The following SEC22B variants were observed in gnomAD, a reference collection of about 807,000 sequenced individuals.
The protein encoded by SEC22B is SEC22 homolog B, vesicle trafficking protein.
In SEC22B, 10 loss-of-function variants were observed where a neutral mutation model predicts 31.4. The ratio of observed to expected loss-of-function variants is 0.32; its 90% CI spans 0.20 to 0.54. The LOEUF (loss-of-function observed/expected upper bound fraction) is 0.54. SEC22B is among the 20% of genes least tolerant of loss of function. The probability of loss-of-function intolerance (pLI) is 0.94; values close to 1 mark genes in which losing one functional copy is unlikely to be tolerated. For synonymous variants in SEC22B, 60 were observed against 95.9 expected, an observed-to-expected ratio of 0.63 and a Z score of 2.19; for missense variants, 130 against 263.4, an observed-to-expected ratio of 0.49 and a Z score of 3.50.
intron 1 of SEC22B, among the ~76,000 whole-genome samples, chr1:120,170,899 G>T (rs1353056881): frequency 7.4e-6 from 1 of 134,340 alleles, no homozygotes; most frequent in Non-Finnish European, 1.5e-5. Flanking sequence ...ATTCTGAAGA[G>T]ATCTGAACCC....
chr1:120,163,401 A>G (rs1343612596), intron 2 of SEC22B, 31 bp from the exon 3 acceptor site: 92,176 of 1,335,588 alleles, frequency 0.069, 7,118 homozygotes, highest in African/African-American at 0.4. Flanking sequence ...AGACAAAGTT[A>G]TCTGTAAAGT....
chr1:120,176,443 T>TTCG lies in SEC22B; in HGVS notation c.-63_-62insCGA. On this transcript the variant is annotated 5_prime_UTR_variant, in exon 1 of 5. Transcript: ENST00000578049. ...GGCCCTTGGCGCCGTCCTCACTTCC[T>TTCG]CCGCCGCGACAACAGTTATACCCTA... is the stretch of plus-strand genomic sequence containing the variant. 6.9e-7 allele frequency: 1 copy of TTCG among 1,458,064 alleles called. No homozygotes were observed. Among genetic ancestry groups the TTCG allele is most frequent in the Non-Finnish European group, 9.6e-7 (1 of 1,045,884 alleles). The allele number at this position is 1,458,064 out of a possible 1,614,324, so 90.3% of individuals were successfully genotyped here.
chr1:120,162,535 T>C (rs1416013324), intron 3 of SEC22B, among the ~76,000 whole-genome samples: 526 of 140,368 alleles, frequency 3.7e-3, no homozygotes, highest in African/African-American at 0.015. Flanking sequence ...TTCAGCGATA[T>C]AGCCTGATCC....
intron 4 of SEC22B, among the ~76,000 whole-genome samples, chr1:120,160,077 T>C (rs1357079152): frequency 0.021 from 3,047 of 147,420 alleles, 149 homozygotes; most frequent in African/African-American, 0.076. Flanking sequence ...CAATACATCA[T>C]TGAGTTTTCT....
At chr1:120,163,945 C>CTTTTTTTTTTTTT (rs1169530604) in intron 2 of SEC22B, among the ~76,000 whole-genome samples, 2 of 68,932 alleles carry the variant, frequency 2.9e-5, no homozygotes, top group African/African-American at 6.5e-5. Flanking sequence ...ATTAGATTCT[C>CTTTTTTTTTTTTT]TTTTTTTTTT....
intron 2 of SEC22B, among the ~76,000 whole-genome samples, chr1:120,166,420 C>CACACACAT (rs1553229708): frequency 0.059 from 8,047 of 136,930 alleles, 1 homozygote; most frequent in African/African-American, 0.13. Context: ...CACACACACA[C>CACACACAT]ACACACACAC....
chr1:120,168,154 T>G (rs1657841856), intron 2 of SEC22B, among the ~76,000 whole-genome samples: 1 of 152,018 alleles, frequency 6.6e-6, no homozygotes, highest in East Asian at 1.9e-4. Context: ...ACTAATCCGT[T>G]TTTATTTTCC....
intron 4 of SEC22B, among the ~76,000 whole-genome samples, chr1:120,159,984 A>C (rs1355961971): frequency 1.5e-5 from 2 of 130,470 alleles, no homozygotes; most frequent in African/African-American, 7.3e-5. Context: ...TTTTCAGAGG[A>C]ATGCCTTGAT....
At chr1:120,170,850 T>G (rs1274005181) in intron 1 of SEC22B, among the ~76,000 whole-genome samples, 2 of 145,296 alleles carry the variant, frequency 1.4e-5, no homozygotes, top group Non-Finnish European at 3.0e-5. Flanking sequence ...TTTCCTAAAT[T>G]TGAATGGTAC....
In SEC22B at chr1:120,163,192, T is replaced by A. The variant is rs1657747080; in HGVS notation, c.346+18A>T. On this transcript the variant is annotated intron_variant, in intron 3 of 4. Transcript: ENST00000578049. ...TGTTTGCTCCCTTGATAGAGAGAAGTGAGGGGCAAAAACTTACCAAATTCA... is the reference window on the plus strand; with the variant it reads ...TGTTTGCTCCCTTGATAGAGAGAAGAGAGGGGCAAAAACTTACCAAATTCA... 8.4e-7 allele frequency: 1 copy of A among 1,192,746 alleles called. No homozygotes were observed. Among genetic ancestry groups the A allele is most frequent in the African/African-American group, 1.7e-5 (1 of 60,348 alleles). 73.9% of individuals were successfully genotyped at this position (1,192,746 alleles called of 1,614,324 possible). A position where few individuals can be genotyped will look rare whatever the true frequency, so the allele number is the denominator to read the frequency against.
intron 4 of SEC22B, chr1:120,157,741 C>T (rs1657652821): frequency 6.7e-6 from 1 of 149,568 alleles, no homozygotes; most frequent in Non-Finnish European, 1.5e-5. Flanking sequence ...TAACCAAACA[C>T]AGTCTTAAGC....
At chr1:120,162,692 T>C (rs1427837225) in intron 3 of SEC22B, among the ~76,000 whole-genome samples, 9 of 152,240 alleles carry the variant, frequency 5.9e-5, no homozygotes, top group African/African-American at 1.2e-4. Flanking sequence ...TTCCTGAATG[T>C]AGTAAATATT....
At chr1:120,169,250 C>T (rs1402886478) in intron 1 of SEC22B, among the ~76,000 whole-genome samples, 1 of 152,178 alleles carries the variant, frequency 6.6e-6, no homozygotes, top group Non-Finnish European at 1.5e-5. Context: ...CTCCTCCTAA[C>T]CCATTTCATT....
intron 4 of SEC22B, among the ~76,000 whole-genome samples, chr1:120,160,075 C>G (rs1261400759): frequency 4.3e-5 from 6 of 140,922 alleles, no homozygotes; most frequent in Non-Finnish European, 9.4e-5. Flanking sequence ...TGCAATACAT[C>G]ATTGAGTTTT....
At chr1:120,160,853 C>T (rs1657704048) in intron 3 of SEC22B, among the ~76,000 whole-genome samples, 1 of 151,928 alleles carries the variant, frequency 6.6e-6, no homozygotes, top group Non-Finnish European at 1.5e-5. Flanking sequence ...CACACCACCA[C>T]CACACTTTAG....
At chr1:120,159,092 T>C (rs1193406979) in intron 4 of SEC22B, 1 of 152,188 alleles carries the variant, frequency 6.6e-6, no homozygotes, top group Non-Finnish European at 1.5e-5. Context: ...TAAATATACA[T>C]ATACTTTTAA....
Position 120,155,912 on chromosome 1 carries a change from G to T in SEC22B, c.*1126C>A, listed in dbSNP as rs1241273995. 1.5e-4 allele frequency: 22 copies of T among 151,190 alleles called. No homozygotes were observed. The highest frequency in any genetic ancestry group is 1.3e-4 in the Admixed American group (2 of 15,188). 9.4% of individuals were successfully genotyped at this position (151,190 alleles called of 1,614,324 possible). A position where few individuals can be genotyped will look rare whatever the true frequency, so the allele number is the denominator to read the frequency against. On this transcript the variant is annotated 3_prime_UTR_variant, in exon 5 of 5. Transcript: ENST00000578049. ...CAGAACATTCTCAGAGAATTTACAC[G>T]AACTAAAACAGGAATGAAGTGCTCT...
intron 1 of SEC22B, among the ~76,000 whole-genome samples, chr1:120,171,896 A>G (rs1166137591): frequency 6.6e-6 from 1 of 151,500 alleles, no homozygotes; most frequent in Non-Finnish European, 1.5e-5. Flanking sequence ...TTCATTACAT[A>G]TTTGCATCCA....
chr1:120,159,658 G>A (rs1657683017), intron 4 of SEC22B, among the ~76,000 whole-genome samples: 1 of 151,842 alleles, frequency 6.6e-6, no homozygotes, highest in South Asian at 2.1e-4. Flanking sequence ...AGTGCTTTAG[G>A]AGTTTAAAGT....
Sources: allele counts gnomAD v4.1 joint callset (sites outside exome capture counted in the v4.1 genomes callset), GRCh38; gene constraint gnomAD v4.1.1; transcripts MANE v1.5; gene names NCBI Gene and HGNC (gene_info 2026-07-23, HGNC 2026-07-21).